The following SIM2 variants were observed in gnomAD, a reference collection of about 807,000 sequenced individuals.
SIM2 encodes the protein SIM bHLH transcription factor 2.
SIM2 carries 28 observed loss-of-function variants against 64.8 expected under a neutral mutation model. The observed-to-expected ratio is 0.43, with a 90% CI of 0.32 to 0.59. The LOEUF (loss-of-function observed/expected upper bound fraction) is 0.59. Ranked by LOEUF, SIM2 falls within the 20% of genes least tolerant of loss-of-function variation. The pLI is 0.07. For missense variants in SIM2, 847 were observed against 871.4 expected (o/e 0.97, Z 0.35); for synonymous variants, 408 against 391.1 (o/e 1.04, Z -0.51).
rs74534338 is a variant in SIM2, at chr21:36,705,210, C to G, written c.176-3958C>G. 7.9e-5 allele frequency among the ~76,000 whole-genome samples: 12 copies of G among 152,288 alleles called. No homozygotes were observed. The East Asian group carries it at 2.3e-3, about 29-fold the overall frequency. ...GGGTGGCGGAGCTGTAGAGGCTGCC[C>G]GCGCAGAAAGCTCCAGGATCCCAAT... On this transcript the variant is annotated intron_variant, in intron 1 of 10. Coordinates refer to ENST00000290399, the MANE Select transcript of SIM2 (RefSeq NM_005069.6).
chr21:36,700,187 C>G (rs1465207038), intron 1 of SIM2, among the ~76,000 whole-genome samples: 2 of 152,228 alleles, frequency 1.3e-5, no homozygotes, highest in African/African-American at 4.8e-5. Flanking sequence ...CAGGCAGTCC[C>G]CCAGCCCGCA....
At chr21:36,707,966 T>G (rs2088610303) in intron 1 of SIM2, among the ~76,000 whole-genome samples, 1 of 11,488 alleles carries the variant, frequency 8.7e-5, no homozygotes, top group African/African-American at 8.0e-4. Context: ...GGGCTGGGCC[T>G]GGCCCAGCGT....
intron 2 of SIM2, 32 bp from the exon 3 acceptor site, chr21:36,712,501 C>T (rs373931128): frequency 7.1e-7 from 1 of 1,411,060 alleles, no homozygotes; most frequent in Non-Finnish European, 1.0e-6. Context: ...GTAGAATGAT[C>T]ATCTCTTATT....
In SIM2 at chr21:36,745,723, C is replaced by T. The variant is rs956116579; in HGVS notation, c.1576+587C>T. The T allele has an allele frequency of 7.9e-7, 1 of 1,273,626 alleles. No individual in the cohort carries two copies. The highest frequency in any genetic ancestry group is 1.5e-5 in the African/African-American group (1 of 65,372). The allele number at this position is 1,273,626 out of a possible 1,614,324, so 78.9% of individuals were successfully genotyped here. A position where few individuals can be genotyped will look rare whatever the true frequency, so the allele number is the denominator to read the frequency against. On this transcript the variant is annotated intron_variant, in intron 10 of 10. Transcript: ENST00000290399. This position sits in a 1 kb window ranked among gnomAD's most constrained non-coding sequence, Gnocchi z 4.8. ...TGTGCCTACTCCCAAGGACACGACACACAGTAGGGACCTGCCCTGTACATG... is the reference window on the plus strand; with the variant it reads ...TGTGCCTACTCCCAAGGACACGACATACAGTAGGGACCTGCCCTGTACATG...
rs1369944351 is a variant in SIM2, at chr21:36,747,102, G to T, written c.1577-563G>T. On this transcript the variant is annotated intron_variant, in intron 10 of 10. Coordinates refer to ENST00000290399, the MANE Select transcript of SIM2 (RefSeq NM_005069.6). The surrounding 1 kb of genome is among the most constrained non-coding windows in gnomAD (Gnocchi z 4.5). ...TTAATGTCAGGCATCGGACTGAGTA[G>T]ATGGGAGTGGTTATTTTTCATTATG... Among the ~76,000 whole-genome samples the T allele has an allele frequency of 6.6e-6, 1 of 151,998 alleles. No individual in the cohort carries two copies. Among genetic ancestry groups the T allele is most frequent in the African/African-American group, 2.4e-5 (1 of 41,348 alleles).
At chr21:36,719,036 G>A (rs990354486) in intron 3 of SIM2, among the ~76,000 whole-genome samples, 1 of 152,198 alleles carries the variant, frequency 6.6e-6, no homozygotes, top group Non-Finnish European at 1.5e-5. Flanking sequence ...GTCCTCTGTG[G>A]GCTGTGTCTG....
At chr21:36,700,071 T>C in intron 1 of SIM2, 150 bp downstream of exon 1, 1 of 797,020 alleles carries the variant, frequency 1.3e-6, no homozygotes, top group Non-Finnish European at 1.9e-6. Context: ...GGTCTTCGGC[T>C]TCGGCGCTGG....
chr21:36,714,968 G>C (rs2088726661), intron 3 of SIM2, among the ~76,000 whole-genome samples: 1 of 152,194 alleles, frequency 6.6e-6, no homozygotes, highest in East Asian at 1.9e-4. Context: ...AGAGGGGTTA[G>C]GCACTACCAT....
chr21:36,722,621 C>T lies in SIM2; in HGVS notation c.458-424C>T, dbSNP rs184655205. Among the ~76,000 whole-genome samples, 1,030 of 151,098 alleles carry T rather than the reference C, an allele frequency of 6.8e-3. 2 individuals carry two copies. The highest frequency in any genetic ancestry group is 0.011 in the Non-Finnish European group (749 of 67,928). On this transcript the variant is annotated intron_variant, in intron 4 of 10. Coordinates refer to ENST00000290399, the MANE Select transcript of SIM2 (RefSeq NM_005069.6). ...GGGCAGAGCCCTGGAGAGACAGAGA[C>T]GGGGTGGTCCTTCTGGGGCTAGAAA...
chr21:36,721,146 CTAAT>C (rs1233781793), intron 4 of SIM2, among the ~76,000 whole-genome samples: 1 of 152,112 alleles, frequency 6.6e-6, no homozygotes, highest in South Asian at 2.1e-4. Context: ...TCACTGGAGT[CTAAT>C]TATTCCTTAC....
chr21:36,713,294 C>T (rs1384753224), intron 3 of SIM2, among the ~76,000 whole-genome samples: 5 of 152,120 alleles, frequency 3.3e-5, no homozygotes, highest in Admixed American at 6.5e-5. Flanking sequence ...CCACCGTTTC[C>T]TTAGAGGAAA....
In SIM2 at chr21:36,709,245, C is replaced by A; in HGVS notation, c.253C>A (p.Leu85Met). 1.2e-6 allele frequency: 2 copies of A among 1,603,508 alleles called. No individual in the cohort carries two copies. The highest frequency in any genetic ancestry group is 1.7e-6 in the Non-Finnish European group (2 of 1,175,438). The stretch of plus-strand genomic sequence containing the variant: ...CGCCAAGGAGCTGGGATCGCACTTG[C>A]TGCAGGTAGAGCGGCCTCGCCGGGG... Reference protein sequence around the residue: ...GVAKELGSHLLQTLDGFVFVV... With the variant: ...GVAKELGSHLMQTLDGFVFVV... The change falls in exon 2 of 11, where the codon CTG becomes ATG. Residue 85 changes from leucine to methionine, a missense_variant. Around this residue, in one of 3 missense-constraint regions of SIM2, gnomAD observed 397 missense variants for 439.2 expected, o/e 0.90. Transcript: ENST00000290399.
At chr21:36,742,208 C>T (rs1431882482) in intron 8 of SIM2, among the ~76,000 whole-genome samples, 3 of 151,972 alleles carry the variant, frequency 2.0e-5, no homozygotes, top group African/African-American at 7.2e-5. Context: ...AGAGGGTGCA[C>T]ACCCCCCATC....
rs2089252651 is a variant in SIM2 at position 36,747,857 on chromosome 21, G to A, written c.1769G>A (p.Gly590Asp). 40 of 1,041,658 alleles carry A rather than the reference G, an allele frequency of 3.8e-5. No homozygotes were observed. Among genetic ancestry groups the A allele is most frequent in the Non-Finnish European group, 4.6e-5 (40 of 864,126 alleles). The allele number at this position is 1,041,658 out of a possible 1,614,324, so 64.5% of individuals were successfully genotyped here. ...CCAPPTPEAP[G>D]APAQLPFVLL... ...GCGCCCCCGACCCCCGAGGCCCCGG[G>A]CGCGCCGGCGCAGCTGCCCTTCGTG... is the stretch of plus-strand genomic sequence containing the variant. Residue 590 changes from glycine to aspartate, a missense_variant, in exon 11 of 11, where the codon GGC (glycine) becomes GAC (aspartate). This residue lies in a region of SIM2 where 447 missense variants were observed against 414.6 expected (regional missense o/e 1.08). Coordinates refer to ENST00000290399, the MANE Select transcript of SIM2 (RefSeq NM_005069.6). The surrounding 1 kb of genome is among the most constrained non-coding windows in gnomAD (Gnocchi z 4.5).
chr21:36,700,770 G>A (rs913270094), intron 1 of SIM2, among the ~76,000 whole-genome samples: 1 of 152,252 alleles, frequency 6.6e-6, no homozygotes, highest in Admixed American at 6.5e-5. Context: ...GCTGAGCTGA[G>A]ACCCGGCTGA....
chr21:36,736,056 G>A (rs1043891780), intron 7 of SIM2, among the ~76,000 whole-genome samples: 2 of 152,190 alleles, frequency 1.3e-5, no homozygotes, highest in Admixed American at 6.5e-5. Context: ...AGCTGGCCCC[G>A]TGGCTGCCCG....
chr21:36,742,929 C>T (rs2089181560), intron 8 of SIM2, among the ~76,000 whole-genome samples: 1 of 152,150 alleles, frequency 6.6e-6, no homozygotes. Flanking sequence ...CAGAGATGGG[C>T]CCCCGATGTG....
In SIM2 at chr21:36,745,590, G is replaced by A. The variant is rs2123509396; in HGVS notation, c.1576+454G>A. 5 of 1,120,074 alleles carry A rather than the reference G, an allele frequency of 4.5e-6. No homozygotes were observed. The South Asian group carries it at 6.7e-5, about 15-fold the overall frequency. 69.4% of individuals were successfully genotyped at this position (1,120,074 alleles called of 1,614,324 possible). On this transcript the variant is annotated intron_variant, in intron 10 of 10. Transcript: ENST00000290399. The surrounding 1 kb of genome is among the most constrained non-coding windows in gnomAD (Gnocchi z 4.8). ...TTTTGGAAGTGGGGAAAACTATGGT[G>A]GAAATTTGTGGGCTTGGGGACAGAA...
At chr21:36,741,680 G>A (rs764827900) in intron 7 of SIM2, 37 bp from the exon 8 acceptor site, 20 of 1,606,710 alleles carry the variant, frequency 1.2e-5, no homozygotes, top group Admixed American at 1.7e-5. Flanking sequence ...TGGGGCCTGC[G>A]AAGCGTCTGA....
Sources: gnomAD v4.1 joint callset for allele counts (sites outside exome capture counted in the v4.1 genomes callset) on GRCh38, gnomAD v4.1.1 for gene constraint, gnomAD v4.1.1 regional missense constraint, Gnocchi (gnomAD v3.1) non-coding constraint, MANE v1.5 for transcripts, NCBI Gene and HGNC (gene_info 2026-07-23, HGNC 2026-07-21) for gene names.